Variants in CYP4X1 observed in about 807,000 individuals in gnomAD.
The protein encoded by CYP4X1 is cytochrome P450 4X1.
CYP4X1 carries 44 observed loss-of-function variants against 57.9 expected under a neutral mutation model. That is an observed-to-expected ratio of 0.76 (90% CI 0.60 to 0.98). The LOEUF (loss-of-function observed/expected upper bound fraction) is 0.98, where lower values mean the gene tolerates loss of function less well. Among genes scored for constraint, CYP4X1 ranks in the 50% least tolerant of loss-of-function variants. The pLI is 0.00. For missense variants in CYP4X1, 532 were observed against 623.9 expected (o/e 0.85, Z 1.57); for synonymous variants, 227 against 228.6 (o/e 0.99, Z 0.06).
downstream of CYP4X1, among the ~76,000 whole-genome samples, chr1:47,053,513 A>G (rs1405021444): frequency 6.6e-6 from 1 of 152,066 alleles, no homozygotes; most frequent in Non-Finnish European, 1.5e-5. Flanking sequence ...ACAATGGTTG[A>G]ACTAGTTTAC....
the CYP4X1 span, chr1:46,961,439 G>A: frequency 1.6e-6 from 1 of 643,786 alleles, no homozygotes; most frequent in Non-Finnish European, 2.1e-6. Context: ...GGGCCCACCA[G>A]TTTTTCTACA....
At chr1:47,017,781 C>A in the CYP4X1 span, among the ~76,000 whole-genome samples, 1 of 152,120 alleles carries the variant, frequency 6.6e-6, no homozygotes, top group South Asian at 2.1e-4. Flanking sequence ...GCAAGTTGTC[C>A]CACCTTTCCA....
chr1:47,024,387 A>G (rs1220452615), intron 1 of CYP4X1, among the ~76,000 whole-genome samples: 1 of 152,156 alleles, frequency 6.6e-6, no homozygotes, highest in African/African-American at 2.4e-5. Context: ...AATCTATCCC[A>G]ATCGTTGGCA....
chr1:46,984,416 C>G, the CYP4X1 span, among the ~76,000 whole-genome samples: 1 of 144,788 alleles, frequency 6.9e-6, no homozygotes, highest in Admixed American at 7.0e-5. Flanking sequence ...GAGAGGCTGG[C>G]AAGATGACTG....
At chr1:46,988,124 T>C in the CYP4X1 span, among the ~76,000 whole-genome samples, 1 of 151,840 alleles carries the variant, frequency 6.6e-6, no homozygotes, top group Non-Finnish European at 1.5e-5. Context: ...ATCAACAAAA[T>C]ATGTAGACCA....
At chr1:47,008,678 C>A in the CYP4X1 span, among the ~76,000 whole-genome samples, 3 of 152,080 alleles carry the variant, frequency 2.0e-5, no homozygotes, top group African/African-American at 7.2e-5. Context: ...TCAGGAAACC[C>A]ATCTCATGTG....
chr1:47,050,566 C>T lies in CYP4X1; in HGVS notation c.*392C>T, dbSNP rs1472238886. On this transcript the variant is annotated 3_prime_UTR_variant, in exon 12 of 12. Coordinates refer to ENST00000371901, the MANE Select transcript of CYP4X1 (RefSeq NM_178033.2). ...AAATTTTAAATCTCACTTCACTTAG[C>T]CGACATTCCATGCCCTGACCAATCC... The T allele has an allele frequency of 6.1e-6, 1 of 164,358 alleles. No homozygotes were observed. Among genetic ancestry groups the T allele is most frequent in the African/African-American group, 2.4e-5 (1 of 41,544 alleles). The allele number at this position is 164,358 out of a possible 1,614,324, so 10.2% of individuals were successfully genotyped here. A position where few individuals can be genotyped will look rare whatever the true frequency, so the allele number is the denominator to read the frequency against.
the CYP4X1 span, among the ~76,000 whole-genome samples, chr1:46,997,141 T>A: frequency 1.3e-5 from 2 of 152,242 alleles, no homozygotes; most frequent in Non-Finnish European, 2.9e-5. Flanking sequence ...GAATAGCCCA[T>A]GCAGAAGTAT....
At chr1:47,052,994 T>C (rs982121890), downstream of CYP4X1, among the ~76,000 whole-genome samples, 1 of 152,162 alleles carries the variant, frequency 6.6e-6, no homozygotes, top group East Asian at 1.9e-4. Context: ...TGTATACATG[T>C]GCCATGTTGG....
At chr1:47,005,193 T>C in the CYP4X1 span, among the ~76,000 whole-genome samples, 1 of 152,198 alleles carries the variant, frequency 6.6e-6, no homozygotes, top group Admixed American at 6.5e-5. Flanking sequence ...AAGCAGTCCT[T>C]AGAATTTTCT....
Position 47,050,152 on chromosome 1 carries a change from T to C in CYP4X1, c.1508T>C (p.Leu503Pro), listed in dbSNP as rs758688573. The change falls in exon 12 of 12, where the codon CTG (leucine) becomes CCG (proline). Residue 503 changes from leucine to proline, a missense_variant. Physicochemically the swap from Leu to Pro is moderately conservative, Grantham distance 98 (BLOSUM62 -3). Transcript: ENST00000371901. ...LKPKNGMYLHLKKLSEC is the reference protein window; with the variant it reads ...LKPKNGMYLHPKKLSEC ...CCCAAGAATGGGATGTATTTGCACC[T>C]GAAGAAACTCTCTGAATGTTAGATC... is the stretch of plus-strand genomic sequence containing the variant. 36 of 1,613,962 alleles carry C rather than the reference T, an allele frequency of 2.2e-5. No individual in the cohort carries two copies. The highest frequency in any genetic ancestry group is 2.9e-5 in the Non-Finnish European group (34 of 1,179,968).
chr1:46,999,909 G>A, the CYP4X1 span, among the ~76,000 whole-genome samples: 3 of 152,112 alleles, frequency 2.0e-5, no homozygotes, highest in Admixed American at 6.5e-5. Flanking sequence ...CTGGACTTTT[G>A]AGTTAATGCT....
Position 47,050,138 on chromosome 1 carries a change from G to T in CYP4X1, c.1494G>T (p.Gly498=), listed in dbSNP as rs1488215075. Residue 498 remains glycine (G), a synonymous_variant, in exon 12 of 12, where the codon GGG becomes GGT. Coordinates refer to ENST00000371901, the MANE Select transcript of CYP4X1 (RefSeq NM_178033.2). ...ATTTTATCCTCAAGCCCAAGAATGG[G>T]ATGTATTTGCACCTGAAGAAACTCT... The part of the protein sequence containing the change: ...PNHFILKPKN[G]MYLHLKKLSE... 1.9e-6 allele frequency: 3 copies of T among 1,613,934 alleles called. No individual in the cohort carries two copies. Among genetic ancestry groups the T allele is most frequent in the South Asian group, 1.1e-5 (1 of 91,068 alleles).
downstream of CYP4X1, among the ~76,000 whole-genome samples, chr1:47,052,823 G>T (rs1644368017): frequency 6.6e-6 from 1 of 151,972 alleles, no homozygotes; most frequent in Non-Finnish European, 1.5e-5. Context: ...ATAAAAAAAT[G>T]CCTGTTGGCC....
the CYP4X1 span, among the ~76,000 whole-genome samples, chr1:47,002,286 T>A: frequency 6.6e-6 from 1 of 152,212 alleles, no homozygotes; most frequent in African/African-American, 2.4e-5. Flanking sequence ...ATAAACACTT[T>A]TATATTTGAA....
At chr1:47,046,714 A>C in intron 9 of CYP4X1, 114 bp downstream of exon 9, 1 of 1,474,432 alleles carries the variant, frequency 6.8e-7, no homozygotes, top group Non-Finnish European at 9.2e-7. Flanking sequence ...TAATGCTAAC[A>C]TGTGACTTAG....
intron 8 of CYP4X1, among the ~76,000 whole-genome samples, chr1:47,044,846 G>A (rs536795486): frequency 2.8e-4 from 42 of 149,252 alleles, no homozygotes; most frequent in African/African-American, 1.0e-3. Context: ...TTCTGAGACC[G>A]AGTTTCACTC....
chr1:46,975,610 T>C, the CYP4X1 span, among the ~76,000 whole-genome samples: 2 of 152,256 alleles, frequency 1.3e-5, no homozygotes, highest in Admixed American at 6.5e-5. Context: ...TTCTTTTGTG[T>C]TGACCGTGGA....
the CYP4X1 span, among the ~76,000 whole-genome samples, chr1:46,970,791 G>A: frequency 5.3e-5 from 8 of 152,180 alleles, no homozygotes; most frequent in Non-Finnish European, 1.0e-4. Context: ...TGCACACGCA[G>A]CTGCTGCACA....
Sources: allele counts gnomAD v4.1 joint callset (sites outside exome capture counted in the v4.1 genomes callset), GRCh38; gene constraint gnomAD v4.1.1; transcripts MANE v1.5; gene names NCBI Gene and HGNC (gene_info 2026-07-23, HGNC 2026-07-21).